Variants in AFDN observed in about 807,000 individuals in gnomAD.
The protein encoded by AFDN is afadin, adherens junction formation factor.
In AFDN, 68 loss-of-function variants were observed where a neutral mutation model predicts 216.6. The observed-to-expected ratio is 0.31, with a 90% CI of 0.26 to 0.38. The LOEUF is 0.38. Among genes scored for constraint, AFDN ranks in the 10% least tolerant of loss-of-function variants. The probability of loss-of-function intolerance (pLI) is 1.00; values close to 1 mark genes in which losing one functional copy is unlikely to be tolerated. For synonymous variants in AFDN, 868 were observed against 853.7 expected (o/e 1.02, Z -0.29); for missense variants, 2,136 against 2,342.0 (o/e 0.91, Z 1.82).
At chr6:167,882,112 G>GACA (rs1786189661) in intron 6 of AFDN, among the ~76,000 whole-genome samples, 1 of 152,108 alleles carries the variant, frequency 6.6e-6, no homozygotes, top group Admixed American at 6.5e-5. Flanking sequence ...ATGGAAGTTT[G>GACA]ACAACACTAA....
At chr6:167,915,584 A>G (rs940972452) in intron 19 of AFDN, 151 bp downstream of exon 19, 1 of 876,644 alleles carries the variant, frequency 1.1e-6, no homozygotes, top group Non-Finnish European at 1.7e-6. Flanking sequence ...CTATGTGAGT[A>G]CTTGGGCTGC....
In AFDN at chr6:167,860,458, C is replaced by T. The variant is rs148408183; in HGVS notation, c.106-4093C>T. ...AGGGAATAAAAGAGGTTTCCTTGTC[C>T]CAGAAAAGCTATATTCTAGTGGGAG... On this transcript the variant is annotated intron_variant, in intron 1 of 33. Transcript: ENST00000683244. Among the ~76,000 whole-genome samples, 202 of 152,150 alleles carry T rather than the reference C, an allele frequency of 1.3e-3. 2 individuals carry two copies. Among genetic ancestry groups the T allele is most frequent in the African/African-American group, 4.5e-3 (188 of 41,512 alleles).
chr6:167,901,786 T>G (rs1167002796), intron 11 of AFDN, among the ~76,000 whole-genome samples: 1 of 151,100 alleles, frequency 6.6e-6, no homozygotes, highest in Non-Finnish European at 1.5e-5. Context: ...GTTTCTTGTA[T>G]AGTTAAAAAA....
chr6:167,874,452 G>A (rs1247625178), intron 4 of AFDN, among the ~76,000 whole-genome samples: 1 of 151,940 alleles, frequency 6.6e-6, no homozygotes, highest in Non-Finnish European at 1.5e-5. Flanking sequence ...ATTGTTTTCA[G>A]CTCATCATTC....
chr6:167,954,198 A>C (rs912306387), intron 30 of AFDN, among the ~76,000 whole-genome samples: 5 of 152,192 alleles, frequency 3.3e-5, no homozygotes, highest in African/African-American at 1.2e-4. Flanking sequence ...GTCTCCAAAT[A>C]AGAAAGCTAA....
At chr6:167,881,404 G>C (rs1342745802) in intron 6 of AFDN, among the ~76,000 whole-genome samples, 2 of 152,154 alleles carry the variant, frequency 1.3e-5, no homozygotes, top group African/African-American at 4.8e-5. Context: ...CAAGAACAAA[G>C]AGAATGAGAG....
rs970729917 is a variant in AFDN at position 167,872,938 on chromosome 6, A to G, written c.578+561A>G. 2.0e-5 allele frequency among the ~76,000 whole-genome samples: 3 copies of G among 152,282 alleles called. 1 individual carries two copies. The South Asian group carries it at 6.2e-4, about 32-fold the overall frequency. On this transcript the variant is annotated intron_variant, in intron 4 of 33. Transcript: ENST00000683244. The stretch of plus-strand genomic sequence containing the variant: ...CTGAGGGAATAAGTTAAATCATTGC[A>G]TTTTTACTATAACAAAAAGAGTCAC...
intron 23 of AFDN, among the ~76,000 whole-genome samples, chr6:167,931,600 A>T (rs927741510): frequency 6.6e-6 from 1 of 151,948 alleles, no homozygotes; most frequent in African/African-American, 2.4e-5. Context: ...AATACAGTCC[A>T]TTTTTTTTCC....
intron 1 of AFDN, among the ~76,000 whole-genome samples, chr6:167,842,203 A>C (rs1307117813): frequency 6.6e-6 from 1 of 152,108 alleles, no homozygotes; most frequent in Non-Finnish European, 1.5e-5. Context: ...CCTGATTACC[A>C]AAACCAGTTG....
Position 167,964,059 on chromosome 6 carries a change from G to A in AFDN, c.4968+1492G>A, listed in dbSNP as rs533270249. Reference sequence around the variant, plus strand: ...ACAGTGCACATGCAGAGAGGACCAGGCCATGTTTTTCCTGTGCTGAGAAAC... The same window carrying A: ...ACAGTGCACATGCAGAGAGGACCAGACCATGTTTTTCCTGTGCTGAGAAAC... On this transcript the variant is annotated intron_variant, in intron 31 of 33. Coordinates refer to ENST00000683244, the MANE Select transcript of AFDN (RefSeq NM_001386888.1). 147 of 1,064,322 alleles carry A rather than the reference G, an allele frequency of 1.4e-4. No homozygotes were observed. In the African/African-American group the frequency reaches 2.2e-3, roughly 16 times the overall value. 65.9% of individuals were successfully genotyped at this position (1,064,322 alleles called of 1,614,324 possible). A position where few individuals can be genotyped will look rare whatever the true frequency, so the allele number is the denominator to read the frequency against.
In AFDN at chr6:167,854,298, C is replaced by A. The variant is rs1047296912; in HGVS notation, c.106-10253C>A. Among the ~76,000 whole-genome samples the A allele has an allele frequency of 5.9e-5, 9 of 151,980 alleles. No homozygotes were observed. The East Asian group carries it at 1.4e-3, about 23-fold the overall frequency. On this transcript the variant is annotated intron_variant, in intron 1 of 33. Coordinates refer to ENST00000683244, the MANE Select transcript of AFDN (RefSeq NM_001386888.1). Reference sequence around the variant, plus strand: ...TTTTCTATTGGGTTATTGGTTCGTTCTTCACAAATTTTAGAAACTCTTTAT... The same window carrying A: ...TTTTCTATTGGGTTATTGGTTCGTTATTCACAAATTTTAGAAACTCTTTAT...
intron 30 of AFDN, among the ~76,000 whole-genome samples, chr6:167,961,960 T>C (rs1797079684): frequency 6.6e-6 from 1 of 152,100 alleles, no homozygotes; most frequent in South Asian, 2.1e-4. Context: ...GCTGCTTCTG[T>C]CCCACCTATG....
In AFDN at chr6:167,946,638, G is replaced by A. The variant is rs142286424; in HGVS notation, c.3359-69G>A. 4.0e-5 allele frequency: 55 copies of A among 1,366,828 alleles called. No individual in the cohort carries two copies. The African/African-American group carries it at 7.7e-4, about 19-fold the overall frequency. The allele number at this position is 1,366,828 out of a possible 1,614,324, so 84.7% of individuals were successfully genotyped here. A position where few individuals can be genotyped will look rare whatever the true frequency, so the allele number is the denominator to read the frequency against. On this transcript the variant is annotated intron_variant, in intron 26 of 33. Transcript: ENST00000683244. ...TTCTTATGCTAAGAACAATTCTTAT[G>A]GAATTTTAATGATAATCAGGGTGTT...
rs370176215 is a variant in AFDN, at chr6:167,860,159, C to CTTTT, written c.106-4367_106-4364dup. On this transcript the variant is annotated intron_variant, in intron 1 of 33. Coordinates refer to ENST00000683244, the MANE Select transcript of AFDN (RefSeq NM_001386888.1). ...TAGGTATTAAGTACCTACAGCAATG[C>CTTTT]TTTTTTTTTTTTTTTTTTTTTTTTT... Among the ~76,000 whole-genome samples the CTTTT allele has an allele frequency of 3.9e-4, 31 of 79,396 alleles. 1 individual carries two copies. Among genetic ancestry groups the CTTTT allele is most frequent in the African/African-American group, 1.3e-3 (28 of 21,024 alleles). The allele number at this position is 79,396 out of a possible 152,430, so 52.1% of individuals were successfully genotyped here. A position where few individuals can be genotyped will look rare whatever the true frequency, so the allele number is the denominator to read the frequency against.
At chr6:167,847,368 A>G (rs947900280) in intron 1 of AFDN, among the ~76,000 whole-genome samples, 8 of 152,150 alleles carry the variant, frequency 5.3e-5, no homozygotes, top group Non-Finnish European at 5.9e-5. Flanking sequence ...TCAGCCCCAT[A>G]TAGCCAGTCC....
At chr6:167,891,659 G>A (rs1787632622) in intron 8 of AFDN, among the ~76,000 whole-genome samples, 1 of 152,002 alleles carries the variant, frequency 6.6e-6, no homozygotes, top group African/African-American at 2.4e-5. Flanking sequence ...AGAGAAATAC[G>A]TGGGCATTCT....
intron 1 of AFDN, 120 bp from the exon 2 acceptor site, chr6:167,864,431 A>T (rs758606268): frequency 2.1e-6 from 2 of 943,540 alleles, no homozygotes; most frequent in Non-Finnish European, 3.5e-6. Flanking sequence ...CATTAGTCTC[A>T]GATGTTTATG....
chr6:167,860,314 T>C (rs1333430197), intron 1 of AFDN, among the ~76,000 whole-genome samples: 1 of 152,138 alleles, frequency 6.6e-6, no homozygotes, highest in Non-Finnish European at 1.5e-5. Flanking sequence ...TTCTTATCAA[T>C]TGAGAACAGA....
chr6:167,863,796 C>G, intron 1 of AFDN: 1 of 518,604 alleles, frequency 1.9e-6, no homozygotes, highest in South Asian at 1.4e-5. Flanking sequence ...TGCTTTTTCT[C>G]TAGAGGTAAG....
Sources: gnomAD v4.1 joint callset for allele counts (sites outside exome capture counted in the v4.1 genomes callset) on GRCh38, gnomAD v4.1.1 for gene constraint, MANE v1.5 for transcripts, NCBI Gene and HGNC (gene_info 2026-07-23, HGNC 2026-07-21) for gene names.